Variants in SAMD9L observed in about 807,000 individuals in gnomAD.
The protein encoded by SAMD9L is sterile alpha motif domain-containing protein 9-like.
A neutral mutation model predicts 90.7 loss-of-function variants in SAMD9L; 68 were observed. The ratio of observed to expected loss-of-function variants is 0.75; its 90% CI spans 0.62 to 0.92. SAMD9L has a LOEUF of 0.92. SAMD9L is among the 40% of genes least tolerant of loss of function. The pLI is 0.00. For missense variants in SAMD9L, 1,604 were observed against 1,824.3 expected, an observed-to-expected ratio of 0.88 and a Z score of 2.20; for synonymous variants, 640 against 630.1, an observed-to-expected ratio of 1.02 and a Z score of -0.23.
intron 4 of SAMD9L, among the ~76,000 whole-genome samples, chr7:93,143,722 T>C (rs1442390097): frequency 6.6e-6 from 1 of 152,246 alleles, no homozygotes; most frequent in Admixed American, 6.5e-5. Flanking sequence ...ATTTAACAAC[T>C]TGAAGCTATT....
rs140271757 is a variant in SAMD9L, at chr7:93,135,143, T to C, written c.829A>G (p.Ile277Val). ...CGAATACACTTCTTGGCTTCATTGA[T>C]CTCACTTTCTTCAAAATACTTTTTG... ...MIKKYFEESEINEAKKCIREP... is the reference protein window; with the variant it reads ...MIKKYFEESEVNEAKKCIREP... Residue 277 changes from isoleucine (I) to valine (V), a missense_variant, in exon 5 of 5, where the codon ATC becomes GTC. Ile to Val is a conservative substitution (Grantham distance 29). This residue lies in a region of SAMD9L where 374 missense variants were observed against 363.6 expected (regional missense o/e 1.03). Transcript: ENST00000318238. 18 of 1,612,798 alleles carry C rather than the reference T, an allele frequency of 1.1e-5. No homozygotes were observed. Among genetic ancestry groups the C allele is most frequent in the Non-Finnish European group, 1.5e-5 (18 of 1,179,982 alleles).
rs4729075 is a variant in SAMD9L, at chr7:93,131,741, G to A, written c.4231C>T (p.Arg1411Ter). The A allele has an allele frequency of 1.2e-5, 20 of 1,613,786 alleles. No homozygotes were observed. Among genetic ancestry groups the A allele is most frequent in the African/African-American group, 4.0e-5 (3 of 74,996 alleles). Residue 1411 changes from arginine (R) to a stop codon, truncating the protein, a stop_gained, in exon 5 of 5, where the codon CGA becomes TGA. Coordinates refer to ENST00000318238, the MANE Select transcript of SAMD9L (RefSeq NM_152703.5). LOFTEE classifies it high-confidence loss of function. ...QPLTTLKKQL[R>*]EVLQFVGLSH... Reference sequence around the variant, plus strand: ...AGTCCTACAAATTGCAAGACCTCTCGGAGTTGTTTTTTTAGCGTGGTAAGT... The same window carrying A: ...AGTCCTACAAATTGCAAGACCTCTCAGAGTTGTTTTTTTAGCGTGGTAAGT...
intron 2 of SAMD9L, among the ~76,000 whole-genome samples, chr7:93,146,621 AAGGCCTTGAGCTACC>A (rs1792900511): frequency 6.6e-6 from 1 of 152,180 alleles, no homozygotes; most frequent in African/African-American, 2.4e-5. Flanking sequence ...GAATATTTGA[AAGGCCTTGAGCTACC>A]AGTGTCTGTG....
chr7:93,142,922 C>A (rs1792748250), intron 4 of SAMD9L, among the ~76,000 whole-genome samples: 1 of 152,180 alleles, frequency 6.6e-6, no homozygotes, highest in African/African-American at 2.4e-5. Context: ...CTAGATTTTT[C>A]CCTTCTGTGG....
rs376356072 is a variant in SAMD9L, at chr7:93,132,918, C to T, written c.3054G>A (p.Glu1018=). 4.3e-5 allele frequency: 70 copies of T among 1,612,842 alleles called. No homozygotes were observed. Among genetic ancestry groups the T allele is most frequent in the Non-Finnish European group, 5.8e-5 (68 of 1,179,308 alleles). The change falls in exon 5 of 5, where the codon GAG becomes GAA. Residue 1018 remains glutamate (E), a synonymous_variant. Transcript: ENST00000318238. ...CTATTCCAGAATCATAGAATAAATT[C>T]TCTTCTAATATATTCAATGCAATTT... ...KCQIALNILE[E]NLFYDSGIGR...
Position 93,133,988 on chromosome 7 carries a change from T to C in SAMD9L, c.1984A>G (p.Asn662Asp). 1.2e-6 allele frequency: 2 copies of C among 1,613,708 alleles called. No homozygotes were observed. The highest frequency in any genetic ancestry group is 1.7e-6 in the Non-Finnish European group (2 of 1,179,788). Reference sequence around the variant, plus strand: ...TCGATGTCTGTCTCTGTACACTCATTTTCACAGAGGATTTCCAGTGCAGTC... The same window carrying C: ...TCGATGTCTGTCTCTGTACACTCATCTTCACAGAGGATTTCCAGTGCAGTC... ...VLTALEILCE[N>D]ECTETDIEKD... is the part of the protein sequence containing the mutation. Residue 662 changes from asparagine (N) to aspartate (D), a missense_variant, in exon 5 of 5, where the codon AAT (asparagine) becomes GAT (aspartate). This residue lies in a region of SAMD9L where 606 missense variants were observed against 717.6 expected (regional missense o/e 0.84). Coordinates refer to ENST00000318238, the MANE Select transcript of SAMD9L (RefSeq NM_152703.5).
At position 93,132,293 on chromosome 7, in the gene SAMD9L, G is replaced by GT. The variant is rs1792153661; in HGVS notation, c.3678dup (p.His1227ThrfsTer15). The GT allele has an allele frequency of 1.2e-6, 2 of 1,613,620 alleles. No individual in the cohort carries two copies. Among genetic ancestry groups the GT allele is most frequent in the South Asian group, 1.1e-5 (1 of 91,068 alleles). ...TTTCCTGATAAAAATTGCACCATAT[G>GT]TTTTTTGGATAATTCATTTTCTTTG... On this transcript the variant is annotated frameshift_variant, in exon 5 of 5. Coordinates refer to ENST00000318238, the MANE Select transcript of SAMD9L (RefSeq NM_152703.5). LOFTEE classifies it high-confidence loss of function.
rs1209009941 is a variant in SAMD9L, at chr7:93,135,545, C to A, written c.427G>T (p.Asp143Tyr). The A allele has an allele frequency of 6.2e-7, 1 of 1,614,010 alleles. No homozygotes were observed. Among genetic ancestry groups the A allele is most frequent in the African/African-American group, 1.3e-5 (1 of 75,062 alleles). ...ESILMKENVLDEVANAKHKKK... is the reference protein window; with the variant it reads ...ESILMKENVLYEVANAKHKKK... The stretch of plus-strand genomic sequence containing the variant: ...TTGTGTTTAGCATTTGCTACTTCAT[C>A]TAACACATTTTCTTTCATAAGAATT... Residue 143 changes from aspartate (D) to tyrosine (Y), a missense_variant, in exon 5 of 5, where the codon GAT (aspartate) becomes TAT (tyrosine). Coordinates refer to ENST00000318238, the MANE Select transcript of SAMD9L (RefSeq NM_152703.5).
chr7:93,134,436 T>G lies in SAMD9L; in HGVS notation c.1536A>C (p.Leu512=), dbSNP rs368116461. Reference sequence around the variant, plus strand: ...TTTCTCTCTGCCATAAATGTGGTTCTAGAGGTTTATATGTCTCGCTTTTCA... The same window carrying G: ...TTTCTCTCTGCCATAAATGTGGTTCGAGAGGTTTATATGTCTCGCTTTTCA... The part of the protein sequence containing the change: ...SDLKSETYKP[L]EPHLWQRERA... The change falls in exon 5 of 5, where the codon CTA becomes CTC. Residue 512 remains leucine, a synonymous_variant. Coordinates refer to ENST00000318238, the MANE Select transcript of SAMD9L (RefSeq NM_152703.5). 6.0e-5 allele frequency: 97 copies of G among 1,613,884 alleles called. No individual in the cohort carries two copies. Among genetic ancestry groups the G allele is most frequent in the Non-Finnish European group, 7.6e-5 (90 of 1,179,892 alleles).
chr7:93,143,434 A>AATCACTCTTTTATTCTCCTAAATG (rs1792771429), intron 4 of SAMD9L, among the ~76,000 whole-genome samples: 1 of 152,042 alleles, frequency 6.6e-6, no homozygotes, highest in African/African-American at 2.4e-5. Context: ...TCTCTGCTTT[A>AATCACTCTTTTATTCTCCTAAATG]ATCACTCTTT....
In SAMD9L at chr7:93,133,475, A is replaced by G. The variant is rs145791580; in HGVS notation, c.2497T>C (p.Leu833=). 10 of 1,612,168 alleles carry G rather than the reference A, an allele frequency of 6.2e-6. No individual in the cohort carries two copies. Among genetic ancestry groups the G allele is most frequent in the African/African-American group, 4.0e-5 (3 of 74,850 alleles). Reference sequence around the variant, plus strand: ...CTCATGCAGTTTAAGATAATTACCAATGTTTTTTCATATCGCAAATCCTTT... The same window carrying G: ...CTCATGCAGTTTAAGATAATTACCAGTGTTTTTTCATATCGCAAATCCTTT... ...AEKDLRYEKT[L]VIILNCMRSR... is the part of the protein sequence containing the mutation. Residue 833 remains leucine (L), a synonymous_variant, in exon 5 of 5, where the codon TTG becomes CTG. Coordinates refer to ENST00000318238, the MANE Select transcript of SAMD9L (RefSeq NM_152703.5).
At chr7:93,147,756 A>G (rs1010896294) in intron 1 of SAMD9L, among the ~76,000 whole-genome samples, 4 of 152,268 alleles carry the variant, frequency 2.6e-5, no homozygotes, top group Non-Finnish European at 5.9e-5. Context: ...ATAGAATAAT[A>G]TTTAGCCTCT....
In SAMD9L at chr7:93,133,742, C is replaced by T. The variant is rs775985307; in HGVS notation, c.2230G>A (p.Gly744Ser). ...ATAGCCAGTGTGGTACCTCCACAGC[C>T]TGGATGATGATAAAGATTGATGATT... ...AKIINLYHHP[G>S]CGGTTLAMHV... The change falls in exon 5 of 5, where the codon GGC (glycine) becomes AGC (serine). Residue 744 changes from glycine (G) to serine (S), a missense_variant. By Grantham distance (56) the Gly-to-Ser change is moderately conservative (BLOSUM62 0). This residue lies in a region of SAMD9L where 606 missense variants were observed against 717.6 expected (regional missense o/e 0.84). Coordinates refer to ENST00000318238, the MANE Select transcript of SAMD9L (RefSeq NM_152703.5). 9.9e-6 allele frequency: 16 copies of T among 1,613,740 alleles called. No homozygotes were observed. The highest frequency in any genetic ancestry group is 3.3e-5 in the South Asian group (3 of 91,078).
Position 93,135,087 on chromosome 7 carries a change from C to T in SAMD9L, c.885G>A (p.Gln295=). ...REPRFVEVLL[Q]NNTPSDRFVI... ...CAAATCTGTCAGATGGTGTATTGTT[C>T]TGCAGAAGGACTTCCACAAACCTTG... The change falls in exon 5 of 5, where the codon CAG becomes CAA. Residue 295 remains glutamine (Q), a synonymous_variant. Transcript: ENST00000318238. The T allele has an allele frequency of 6.2e-7, 1 of 1,612,960 alleles. No individual in the cohort carries two copies. The highest frequency in any genetic ancestry group is 8.5e-7 in the Non-Finnish European group (1 of 1,179,900).
chr7:93,142,603 C>T (rs1792735926), intron 4 of SAMD9L, among the ~76,000 whole-genome samples: 1 of 152,188 alleles, frequency 6.6e-6, no homozygotes, highest in Non-Finnish European at 1.5e-5. Flanking sequence ...AACACTTCTC[C>T]TCAGGTTTTG....
Position 93,135,200 on chromosome 7 carries a change from C to G in SAMD9L, c.772G>C (p.Ala258Pro). The G allele has an allele frequency of 6.2e-7, 1 of 1,613,980 alleles. No homozygotes were observed. The highest frequency in any genetic ancestry group is 8.5e-7 in the Non-Finnish European group (1 of 1,179,966). The change falls in exon 5 of 5, where the codon GCT becomes CCT. Residue 258 changes from alanine to proline, a missense_variant. This residue lies in a region of SAMD9L where 374 missense variants were observed against 363.6 expected (regional missense o/e 1.03). Coordinates refer to ENST00000318238, the MANE Select transcript of SAMD9L (RefSeq NM_152703.5). Reference sequence around the variant, plus strand: ...ACATTGAAGTGGTCAATGAAGGCAGCCTTACTGGTGATTTTCACACCAACA... The same window carrying G: ...ACATTGAAGTGGTCAATGAAGGCAGGCTTACTGGTGATTTTCACACCAACA... ...EIVGVKITSK[A>P]AFIDHFNVMI...
At position 93,135,601 on chromosome 7, in the gene SAMD9L, C is replaced by T. The variant is rs767921026; in HGVS notation, c.371G>A (p.Arg124Lys). The change falls in exon 5 of 5, where the codon AGA becomes AAA. Residue 124 changes from arginine (R) to lysine (K), a missense_variant. Coordinates refer to ENST00000318238, the MANE Select transcript of SAMD9L (RefSeq NM_152703.5). Reference protein sequence around the residue: ...SMSSNIDYDPREIRDIKQEES... With the variant: ...SMSSNIDYDPKEIRDIKQEES... ...TTCTTGTTTGATATCTCTGATCTCTCTGGGATCATAATCAATATTAGATGA... is the reference window on the plus strand; with the variant it reads ...TTCTTGTTTGATATCTCTGATCTCTTTGGGATCATAATCAATATTAGATGA... 4.3e-6 allele frequency: 7 copies of T among 1,613,794 alleles called. No homozygotes were observed. Among genetic ancestry groups the T allele is most frequent in the Admixed American group, 1.7e-5 (1 of 59,966 alleles).
chr7:93,136,039 T>A, intron 4 of SAMD9L, 48 bp from the exon 5 acceptor site: 1 of 1,215,446 alleles, frequency 8.2e-7, no homozygotes, highest in Non-Finnish European at 1.1e-6. Flanking sequence ...ACTTTATTTT[T>A]AAAATCACAT....
chr7:93,134,753 C>T lies in SAMD9L; in HGVS notation c.1219G>A (p.Asp407Asn). The T allele has an allele frequency of 6.2e-7, 1 of 1,613,334 alleles. No individual in the cohort carries two copies. The highest frequency in any genetic ancestry group is 8.5e-7 in the Non-Finnish European group (1 of 1,179,940). The stretch of plus-strand genomic sequence containing the variant: ...TCATAGTATGAATTATCCAGTGAGT[C>T]TCGGTTTCCTATGAGAAGTTTAACC... ...KLVKLLIGNR[D>N]SLDNSYYDWY... Residue 407 changes from aspartate (D) to asparagine (N), a missense_variant, in exon 5 of 5, where the codon GAC becomes AAC. Physicochemically the swap from Asp to Asn is conservative, Grantham distance 23 (BLOSUM62 1). This residue lies in a region of SAMD9L where 606 missense variants were observed against 717.6 expected (regional missense o/e 0.84). Coordinates refer to ENST00000318238, the MANE Select transcript of SAMD9L (RefSeq NM_152703.5).
Sources: allele counts gnomAD v4.1 joint callset (sites outside exome capture counted in the v4.1 genomes callset), GRCh38; gene constraint gnomAD v4.1.1; regional missense constraint gnomAD v4.1.1; transcripts MANE v1.5; gene names NCBI Gene and HGNC (gene_info 2026-07-23, HGNC 2026-07-21).